The following PHF20L1 variants were observed in gnomAD, a reference collection of about 807,000 sequenced individuals.
The protein encoded by PHF20L1 is PHD finger protein 20 like 1, also known as PHD finger protein 20-like protein 1.
Under a neutral mutation model 125.5 loss-of-function variants are expected in PHF20L1, and 44 were observed. The ratio of observed to expected loss-of-function variants is 0.35; its 90% CI spans 0.28 to 0.45. PHF20L1 has a LOEUF of 0.45. Among genes scored for constraint, PHF20L1 ranks in the 20% least tolerant of loss-of-function variants. The pLI, the probability that PHF20L1 is intolerant of heterozygous loss-of-function variation, is 1.00. For missense variants in PHF20L1, 1,012 were observed against 1,217.2 expected, an observed-to-expected ratio of 0.83 and a Z score of 2.51; for synonymous variants, 380 against 403.1, an observed-to-expected ratio of 0.94 and a Z score of 0.69.
intron 2 of PHF20L1, among the ~76,000 whole-genome samples, chr8:132,783,033 T>C (rs1435266689): frequency 6.6e-6 from 1 of 152,190 alleles, no homozygotes; most frequent in Non-Finnish European, 1.5e-5. Context: ...TTAACTCCTG[T>C]TTTTTGATTG....
At chr8:132,786,302 G>C (rs2131366091) in intron 2 of PHF20L1, among the ~76,000 whole-genome samples, 1 of 152,002 alleles carries the variant, frequency 6.6e-6, no homozygotes, top group African/African-American at 2.4e-5. Flanking sequence ...GAGATGTAGT[G>C]CCCTTTTGTT....
chr8:132,830,634 G>A (rs1836665105), intron 14 of PHF20L1, among the ~76,000 whole-genome samples: 1 of 152,024 alleles, frequency 6.6e-6, no homozygotes, highest in African/African-American at 2.4e-5. Flanking sequence ...GACATCATCA[G>A]GTGGGAACTT....
At chr8:132,776,777 A>G (rs1293522742) in intron 1 of PHF20L1, among the ~76,000 whole-genome samples, 2 of 152,244 alleles carry the variant, frequency 1.3e-5, no homozygotes, top group African/African-American at 2.4e-5. Flanking sequence ...TGTAGGGAAC[A>G]TAGTCATTAG....
intron 12 of PHF20L1, among the ~76,000 whole-genome samples, chr8:132,820,839 A>T (rs982160712): frequency 6.6e-6 from 1 of 152,020 alleles, no homozygotes; most frequent in African/African-American, 2.4e-5. Context: ...TATTGTTTGT[A>T]ACCACTGTGA....
At chr8:132,841,364 C>T (rs1837917876) in intron 18 of PHF20L1, among the ~76,000 whole-genome samples, 1 of 151,928 alleles carries the variant, frequency 6.6e-6, no homozygotes, top group Non-Finnish European at 1.5e-5. Context: ...GACTGCAGTG[C>T]CAGCTTTTCT....
At chr8:132,831,017 A>G (rs1344145228) in intron 14 of PHF20L1, among the ~76,000 whole-genome samples, 1 of 151,930 alleles carries the variant, frequency 6.6e-6, no homozygotes, top group Non-Finnish European at 1.5e-5. Flanking sequence ...CTTATTTGCC[A>G]TCACCCAAGT....
Position 132,825,325 on chromosome 8 carries a change from A to G in PHF20L1, c.1698A>G (p.Pro566=), listed in dbSNP as rs1179252641. Residue 566 remains proline (P), a synonymous_variant, in exon 14 of 21, where the codon CCA becomes CCG. Coordinates refer to ENST00000395386, the MANE Select transcript of PHF20L1 (RefSeq NM_016018.5). ...AGAGAGACAAAGATCACTACAGACC[A>G]AAACAGAAGAAGAAGAAAAAAAAGA... ...REKRDKDHYR[P]KQKKKKKKKK... is the part of the protein sequence containing the mutation. The G allele has an allele frequency of 2.7e-6, 4 of 1,505,584 alleles. No individual in the cohort carries two copies. Among genetic ancestry groups the G allele is most frequent in the Non-Finnish European group, 3.6e-6 (4 of 1,096,172 alleles). The allele number at this position is 1,505,584 out of a possible 1,614,324, so 93.3% of individuals were successfully genotyped here.
chr8:132,817,352 A>G lies in PHF20L1; in HGVS notation c.1386A>G (p.Ala462=). ...ESSVPEVPDV[A]HLPLEKLGPC... is the part of the protein sequence containing the mutation. ...TATTTTGTGTAGTGCCTGATGTTGC[A>G]CATTTGCCACTTGAGAAGCTGGGAC... Residue 462 remains alanine (A), a synonymous_variant, in exon 12 of 21, where the codon GCA becomes GCG. Coordinates refer to ENST00000395386, the MANE Select transcript of PHF20L1 (RefSeq NM_016018.5). 1 of 1,612,284 alleles carries G rather than the reference A, an allele frequency of 6.2e-7. No individual in the cohort carries two copies.
chr8:132,775,686 C>G (rs1334249884), intron 1 of PHF20L1, 41 bp downstream of exon 1: 4 of 327,598 alleles, frequency 1.2e-5, no homozygotes, highest in Non-Finnish European at 2.2e-5. Flanking sequence ...CCGCCTGGCC[C>G]CCGCCGGGCC....
intron 19 of PHF20L1, 49 bp from the exon 20 acceptor site, chr8:132,844,107 C>T (rs753584899): frequency 3.1e-6 from 5 of 1,604,976 alleles, no homozygotes; most frequent in Non-Finnish European, 4.3e-6. Flanking sequence ...TCAATGACTG[C>T]ATTTCATCCC....
chr8:132,830,490 C>A (rs967632296), intron 14 of PHF20L1, among the ~76,000 whole-genome samples: 75 of 152,176 alleles, frequency 4.9e-4, no homozygotes, highest in African/African-American at 1.8e-3. Context: ...CAGACCAATG[C>A]GTCTCTTATA....
intron 9 of PHF20L1, among the ~76,000 whole-genome samples, chr8:132,814,027 T>C (rs1834687874): frequency 6.6e-6 from 1 of 152,026 alleles, no homozygotes; most frequent in East Asian, 1.9e-4. Context: ...TTTTAGTCTT[T>C]TAACTCTATA....
At chr8:132,804,161 T>G in intron 7 of PHF20L1, 129 bp downstream of exon 7, 1 of 651,220 alleles carries the variant, frequency 1.5e-6, no homozygotes, top group East Asian at 2.7e-5. Flanking sequence ...TAGCATAATA[T>G]GATGGCTAAC....
intron 11 of PHF20L1, 29 bp downstream of exon 11, chr8:132,817,105 A>G (rs373806681): frequency 7.3e-4 from 989 of 1,355,734 alleles, no homozygotes; most frequent in Non-Finnish European, 9.2e-4. Flanking sequence ...CTATAGAACC[A>G]AACATAAAAG....
In PHF20L1 at chr8:132,804,050, AC is replaced by A. The variant is rs1833401304; in HGVS notation, c.721+19del. On this transcript the variant is annotated intron_variant, in intron 7 of 20. Coordinates refer to ENST00000395386, the MANE Select transcript of PHF20L1 (RefSeq NM_016018.5). Reference sequence around the variant, plus strand: ...AACATTTGGTACAAAATACATTCTTACGTTAATTCCTTATGACACTGGTAAA... The same window carrying A: ...AACATTTGGTACAAAATACATTCTTAGTTAATTCCTTATGACACTGGTAAA... 2 of 1,508,872 alleles carry A rather than the reference AC, an allele frequency of 1.3e-6. No individual in the cohort carries two copies. The highest frequency in any genetic ancestry group is 1.8e-6 in the Non-Finnish European group (2 of 1,085,896). The allele number at this position is 1,508,872 out of a possible 1,614,324, so 93.5% of individuals were successfully genotyped here. A position where few individuals can be genotyped will look rare whatever the true frequency, so the allele number is the denominator to read the frequency against.
chr8:132,829,482 C>T (rs1836538139), intron 14 of PHF20L1, among the ~76,000 whole-genome samples: 1 of 151,996 alleles, frequency 6.6e-6, no homozygotes, highest in African/African-American at 2.4e-5. Flanking sequence ...AATAAATGTC[C>T]TTTCCATGTC....
At chr8:132,814,911 A>T (rs770610499) in intron 10 of PHF20L1, 22 bp downstream of exon 10, 33 of 1,493,284 alleles carry the variant, frequency 2.2e-5, no homozygotes, top group Non-Finnish European at 2.9e-5. Flanking sequence ...TTTTTAAAAA[A>T]TAGTTATTTA....
chr8:132,836,847 G>T, intron 16 of PHF20L1, 126 bp downstream of exon 16: 1 of 663,222 alleles, frequency 1.5e-6, no homozygotes, highest in Non-Finnish European at 2.6e-6. Context: ...TTACTGTGTG[G>T]AAAATACCCA....
chr8:132,832,050 A>G (rs1836838703), intron 14 of PHF20L1, among the ~76,000 whole-genome samples, 185 bp from the exon 15 acceptor site: 4 of 152,046 alleles, frequency 2.6e-5, no homozygotes, highest in South Asian at 4.1e-4. Flanking sequence ...TCTGGGGTAT[A>G]TTTGTTTCCC....
Sources: gnomAD v4.1 joint callset for allele counts (sites outside exome capture counted in the v4.1 genomes callset) on GRCh38, gnomAD v4.1.1 for gene constraint, MANE v1.5 for transcripts, NCBI Gene and HGNC (gene_info 2026-07-23, HGNC 2026-07-21) for gene names.